Variants in FHIP1A observed in about 807,000 individuals in gnomAD.
The protein encoded by FHIP1A is FHF complex subunit HOOK interacting protein 1A, also known as FHF complex subunit HOOK-interacting protein 1A.
A neutral mutation model predicts 88.6 loss-of-function variants in FHIP1A; 61 were observed. The ratio of observed to expected loss-of-function variants is 0.69; its 90% CI spans 0.56 to 0.85. FHIP1A has a LOEUF of 0.85. FHIP1A is among the 40% of genes least tolerant of loss of function. The pLI, the probability that FHIP1A is intolerant of heterozygous loss-of-function variation, is 0.00. For synonymous variants in FHIP1A, 478 were observed against 496.0 expected (o/e 0.96, Z 0.48); for missense variants, 1,154 against 1,273.5 (o/e 0.91, Z 1.43).
chr4:151,548,971 G>A (rs578192741), intron 3 of FHIP1A, among the ~76,000 whole-genome samples: 16 of 152,348 alleles, frequency 1.1e-4, no homozygotes, highest in Admixed American at 8.5e-4. Flanking sequence ...CAGGGGAGGG[G>A]CAGGAGTTCT....
chr4:151,628,528 T>C (rs528179507), intron 7 of FHIP1A, among the ~76,000 whole-genome samples: 2 of 152,228 alleles, frequency 1.3e-5, no homozygotes, highest in Admixed American at 1.3e-4. Context: ...AGGAATGGAA[T>C]ATAAAAGGAA....
chr4:151,553,367 CAGTAT>C (rs1453187225), intron 3 of FHIP1A, among the ~76,000 whole-genome samples: 1 of 152,116 alleles, frequency 6.6e-6, no homozygotes, highest in Non-Finnish European at 1.5e-5. Flanking sequence ...TATTATTGAT[CAGTAT>C]CTGCCATATG....
At chr4:151,463,259 G>C (rs918233199) in intron 2 of FHIP1A, among the ~76,000 whole-genome samples, 1 of 152,208 alleles carries the variant, frequency 6.6e-6, no homozygotes, top group African/African-American at 2.4e-5. Context: ...TCATAGACTT[G>C]TTGAGACCAT....
rs1736968216 is a variant in FHIP1A, at chr4:151,650,159, CAGTG to C, written c.2121_2124del (p.Glu708ProfsTer20). 1.3e-6 allele frequency: 2 copies of C among 1,551,714 alleles called. No individual in the cohort carries two copies. The highest frequency in any genetic ancestry group is 4.9e-5 in the East Asian group (2 of 40,918). ...ATAGGGACAATTCAGACCCGTTTCA[CAGTG>C]AGCCCAAGGAGCCAAAGCAAGAGAG... is the stretch of plus-strand genomic sequence containing the variant. On this transcript the variant is annotated frameshift_variant, in exon 11 of 14. Transcript: ENST00000435205. LOFTEE classifies it high-confidence loss of function.
At chr4:151,598,047 C>T (rs1490606287) in intron 7 of FHIP1A, among the ~76,000 whole-genome samples, 1 of 152,040 alleles carries the variant, frequency 6.6e-6, no homozygotes, top group Non-Finnish European at 1.5e-5. Flanking sequence ...ACGGTTCTGT[C>T]TCACTGGCCT....
In FHIP1A at chr4:151,656,712, TG is replaced by T. The variant is rs1180096604; in HGVS notation, c.2731-46del. 2 of 1,522,416 alleles carry T rather than the reference TG, an allele frequency of 1.3e-6. No homozygotes were observed. 94.3% of individuals were successfully genotyped at this position (1,522,416 alleles called of 1,614,324 possible). ...TGCAAGATATATTGATAACTGGGAG[TG>T]GAATTTCATGGTGAGGCATTAACAT... On this transcript the variant is annotated intron_variant, in intron 12 of 13. Coordinates refer to ENST00000435205, the MANE Select transcript of FHIP1A (RefSeq NM_001109977.3). The surrounding 1 kb of genome is among the most constrained non-coding windows in gnomAD (Gnocchi z 4.2).
chr4:151,617,374 T>C (rs536015876), intron 7 of FHIP1A, among the ~76,000 whole-genome samples: 3 of 152,162 alleles, frequency 2.0e-5, no homozygotes, highest in Admixed American at 6.5e-5. Context: ...CCTATCATGG[T>C]CCCTGTGACC....
At position 151,414,345 on chromosome 4, in the gene FHIP1A, G is replaced by A. The variant is rs150662889; in HGVS notation, c.-356+4880G>A. On this transcript the variant is annotated intron_variant, in intron 1 of 13. Transcript: ENST00000435205. ...TGGGATTACAGGCTTGAGCCACCGC[G>A]TCTGGCCTCTATCTAGTTTTTACAA... Among the ~76,000 whole-genome samples the A allele has an allele frequency of 3.8e-3, 579 of 152,306 alleles. 5 individuals carry two copies. The highest frequency in any genetic ancestry group is 6.8e-3 in the Non-Finnish European group (461 of 68,030).
At position 151,646,346 on chromosome 4, in the gene FHIP1A, T is replaced by C. The variant is rs540037262; in HGVS notation, c.1227-212T>C. Among the ~76,000 whole-genome samples, 72 of 152,336 alleles carry C rather than the reference T, an allele frequency of 4.7e-4. 1 individual carries two copies. Among genetic ancestry groups the C allele is most frequent in the African/African-American group, 1.7e-3 (70 of 41,590 alleles). On this transcript the variant is annotated intron_variant, in intron 9 of 13. Transcript: ENST00000435205. ...GAAGAAGTTCCTGGAGATTGAATTA[T>C]AAAGACCATTAAGTGCTTTGCAAAG...
rs1424677703 is a variant in FHIP1A at position 151,628,389 on chromosome 4, A to G, written c.979-1313A>G. On this transcript the variant is annotated intron_variant, in intron 7 of 13. Transcript: ENST00000435205. ...TTTAAAAGTAATTTAAACTGCCAAA[A>G]TAGATAGCTCCAAGCCTTTATGCAC... is the stretch of plus-strand genomic sequence containing the variant. Among the ~76,000 whole-genome samples the G allele has an allele frequency of 3.9e-5, 6 of 152,192 alleles. 1 individual carries two copies. The highest frequency in any genetic ancestry group is 3.9e-4 in the Admixed American group (6 of 15,282).
At chr4:151,578,297 C>A (rs1271846658) in intron 5 of FHIP1A, among the ~76,000 whole-genome samples, 3 of 152,120 alleles carry the variant, frequency 2.0e-5, no homozygotes, top group African/African-American at 7.2e-5. Flanking sequence ...ACAAAGGAGG[C>A]TAGATGTGTT....
Position 151,666,414 on chromosome 4 carries a change from C to T in FHIP1A, c.*3660C>T, listed in dbSNP as rs567003143. Among the ~76,000 whole-genome samples the T allele has an allele frequency of 1.0e-3, 156 of 152,148 alleles. No homozygotes were observed. Among genetic ancestry groups the T allele is most frequent in the South Asian group, 2.3e-3 (11 of 4,816 alleles). On this transcript the variant is annotated 3_prime_UTR_variant, in exon 14 of 14. Coordinates refer to ENST00000435205, the MANE Select transcript of FHIP1A (RefSeq NM_001109977.3). ...GATGTCTGTCAGGTGTTAGGTAGGA[C>T]GCATTCGGTATTTTTATAGGTCATC...
intron 2 of FHIP1A, among the ~76,000 whole-genome samples, chr4:151,481,390 G>A (rs937248982): frequency 5.9e-5 from 9 of 151,976 alleles, no homozygotes; most frequent in East Asian, 3.8e-4. Flanking sequence ...GGAATGAAAA[G>A]TTTTTAATGG....
chr4:151,568,120 A>G (rs895855290), intron 4 of FHIP1A, among the ~76,000 whole-genome samples: 5 of 152,194 alleles, frequency 3.3e-5, no homozygotes, highest in Non-Finnish European at 4.4e-5. Context: ...GTGCCAGTAC[A>G]TTGTGTCACA....
At chr4:151,436,452 C>G (rs1454756602) in intron 1 of FHIP1A, 1 of 152,162 alleles carries the variant, frequency 6.6e-6, no homozygotes, top group Non-Finnish European at 1.5e-5. Flanking sequence ...CTTAGAGTCC[C>G]TCTAAGCTGA....
chr4:151,542,373 T>TA (rs1337640311), intron 3 of FHIP1A, among the ~76,000 whole-genome samples: 6 of 152,338 alleles, frequency 3.9e-5, no homozygotes, highest in African/African-American at 1.2e-4. Context: ...TGCTTTTTTT[T>TA]ATTCCCAGTA....
intron 2 of FHIP1A, among the ~76,000 whole-genome samples, chr4:151,470,658 A>T (rs1729474965): frequency 6.6e-6 from 1 of 152,180 alleles, no homozygotes; most frequent in Non-Finnish European, 1.5e-5. Flanking sequence ...AAATATCGGT[A>T]TTAATTTTAG....
intron 1 of FHIP1A, among the ~76,000 whole-genome samples, chr4:151,453,259 G>C (rs536986620): frequency 1.3e-5 from 2 of 151,970 alleles, no homozygotes; most frequent in African/African-American, 4.8e-5. Context: ...CAAGTGATCC[G>C]CCCGCCTTGG....
intron 4 of FHIP1A, among the ~76,000 whole-genome samples, chr4:151,568,698 C>A (rs750292246): frequency 2.0e-5 from 3 of 151,980 alleles, no homozygotes; most frequent in African/African-American, 7.3e-5. Context: ...AAATGAATAA[C>A]CATGATTACA....
Sources: allele counts gnomAD v4.1 joint callset (sites outside exome capture counted in the v4.1 genomes callset), GRCh38; gene constraint gnomAD v4.1.1; non-coding constraint Gnocchi (gnomAD v3.1); transcripts MANE v1.5; gene names NCBI Gene and HGNC (gene_info 2026-07-23, HGNC 2026-07-21).